IL1RAPL1: variants seen among roughly 807,000 people sequenced by gnomAD.
IL1RAPL1 encodes the protein interleukin 1 receptor accessory protein like 1, also known as interleukin-1 receptor accessory protein-like 1.
Under a neutral mutation model 48.4 loss-of-function variants are expected in IL1RAPL1, and 3 were observed. That is an observed-to-expected ratio of 0.06 (90% CI 0.03 to 0.16). IL1RAPL1 has a LOEUF of 0.16. IL1RAPL1 is among the 10% of genes least tolerant of loss of function. IL1RAPL1 has a pLI of 1.00. For missense variants in IL1RAPL1, 349 were observed against 530.6 expected (o/e 0.66, Z 3.36); for synonymous variants, 185 against 187.7 (o/e 0.99, Z 0.12).
intron 2 of IL1RAPL1, among the ~76,000 whole-genome samples, chrX:29,104,744 T>C (rs1030198619): frequency 9.5e-6 from 1 of 105,523 alleles, no homozygotes; most frequent in South Asian, 4.1e-4. Flanking sequence ...CATAAAAATA[T>C]ACACCTACTA....
chrX:29,178,008 G>C (rs1479507411), intron 2 of IL1RAPL1, among the ~76,000 whole-genome samples: 5 of 111,861 alleles, frequency 4.5e-5, no homozygotes, highest in African/African-American at 1.6e-4. Context: ...GGACATTTGA[G>C]TTGGTTCCAA....
In IL1RAPL1 at chrX:28,703,749, A is replaced by G. The variant is rs760756363; in HGVS notation, c.-24-85571A>G. 2.7e-5 allele frequency among the ~76,000 whole-genome samples: 3 copies of G among 111,709 alleles called. No individual in the cohort carries two copies. In the East Asian group the frequency reaches 8.5e-4, roughly 32 times the overall value. On this transcript the variant is annotated intron_variant, in intron 1 of 10. Coordinates refer to ENST00000378993, the MANE Select transcript of IL1RAPL1 (RefSeq NM_014271.4). ...AACATCAAAATCGCCTTACATGTCT[A>G]CTCTAAAGCAAAGCACTTTGCTGAT...
At chrX:28,872,148 C>T (rs1356325238) in intron 2 of IL1RAPL1, among the ~76,000 whole-genome samples, 1 of 107,463 alleles carries the variant, frequency 9.3e-6, no homozygotes, top group Non-Finnish European at 1.9e-5. Flanking sequence ...GCTGGGACTA[C>T]AGGGGGGAAA....
intron 5 of IL1RAPL1, among the ~76,000 whole-genome samples, chrX:29,642,372 A>G (rs1925194389): frequency 8.9e-6 from 1 of 112,304 alleles, no homozygotes; most frequent in South Asian, 3.7e-4. Flanking sequence ...CTTTGAGAGG[A>G]AGAGGGACCA....
chrX:28,945,645 T>G (rs982987603), intron 2 of IL1RAPL1, among the ~76,000 whole-genome samples: 1 of 110,365 alleles, frequency 9.1e-6, no homozygotes, highest in Non-Finnish European at 1.9e-5. Context: ...AAATTGCTAA[T>G]GTATCCAGGG....
chrX:29,463,148 A>G (rs946368314), intron 5 of IL1RAPL1, among the ~76,000 whole-genome samples: 1 of 110,164 alleles, frequency 9.1e-6, no homozygotes, highest in Non-Finnish European at 1.9e-5. Flanking sequence ...ACAAATGCAT[A>G]GAGAGATTCA....
rs191697348 is a variant in IL1RAPL1, at chrX:28,654,033, G to A, written c.-25+65986G>A. ...AATCACCCTGGGGTTAAAGGAAAGC[G>A]TTGAGGGTCACAGAGGTTGACTTGC... is the stretch of plus-strand genomic sequence containing the variant. On this transcript the variant is annotated intron_variant, in intron 1 of 10. Transcript: ENST00000378993. 1.2e-4 allele frequency among the ~76,000 whole-genome samples: 13 copies of A among 111,275 alleles called. No individual in the cohort carries two copies. In the East Asian group the frequency reaches 2.0e-3, roughly 17 times the overall value.
intron 5 of IL1RAPL1, among the ~76,000 whole-genome samples, chrX:29,606,639 A>G (rs1348071389): frequency 1.8e-5 from 2 of 112,292 alleles, no homozygotes; most frequent in Admixed American, 1.9e-4. Context: ...AATTGCACAT[A>G]CAGTCTCTAC....
intron 6 of IL1RAPL1, among the ~76,000 whole-genome samples, chrX:29,885,171 A>G (rs1177647840): frequency 4.5e-5 from 5 of 111,803 alleles, no homozygotes; most frequent in Non-Finnish European, 9.4e-5. Context: ...CCTGCAATGA[A>G]TGCCTGCAAT....
At chrX:29,538,096 A>T (rs1343069952) in intron 5 of IL1RAPL1, among the ~76,000 whole-genome samples, 1 of 109,860 alleles carries the variant, frequency 9.1e-6, no homozygotes, top group Non-Finnish European at 1.9e-5. Flanking sequence ...GATAGCTGGG[A>T]AAATAGTTAC....
chrX:29,103,711 C>A (rs1928391409), intron 2 of IL1RAPL1, among the ~76,000 whole-genome samples: 1 of 111,488 alleles, frequency 9.0e-6, no homozygotes, highest in Non-Finnish European at 1.9e-5. Flanking sequence ...AAAATATTAG[C>A]CAACTATCCA....
intron 2 of IL1RAPL1, among the ~76,000 whole-genome samples, chrX:28,896,917 G>A (rs770172504): frequency 5.2e-4 from 58 of 111,119 alleles, no homozygotes; most frequent in Non-Finnish European, 8.5e-4. Flanking sequence ...CTTGTAGGAT[G>A]GAAAAATCAA....
At chrX:29,041,228 G>A (rs1474035714) in intron 2 of IL1RAPL1, among the ~76,000 whole-genome samples, 1 of 111,799 alleles carries the variant, frequency 8.9e-6, no homozygotes. Flanking sequence ...AACATTGGAA[G>A]CCTATCTCAA....
chrX:29,679,288 T>TCTTAAAAGAAAAAAATGTAATG (rs1926378937), intron 6 of IL1RAPL1, among the ~76,000 whole-genome samples: 1 of 111,967 alleles, frequency 8.9e-6, no homozygotes, highest in Non-Finnish European at 1.9e-5. Context: ...TATTTTCTCT[T>TCTTAAAAGAAAAAAATGTAATG]CTTAAAAGAA....
rs1244742243 is a variant in IL1RAPL1, at chrX:29,639,209, T to A, written c.704-29221T>A. Among the ~76,000 whole-genome samples, 6 of 111,836 alleles carry A rather than the reference T, an allele frequency of 5.4e-5. No homozygotes were observed. In the East Asian group the frequency reaches 8.4e-4, roughly 16 times the overall value. On this transcript the variant is annotated intron_variant, in intron 5 of 10. Coordinates refer to ENST00000378993, the MANE Select transcript of IL1RAPL1 (RefSeq NM_014271.4). ...TCAAAAAAAAAAAAAAAACAGGTTT[T>A]AAAAAAATTTTTAGATTTGTTTTTT...
intron 6 of IL1RAPL1, among the ~76,000 whole-genome samples, chrX:29,774,448 T>G (rs754230948): frequency 8.9e-6 from 1 of 112,055 alleles, no homozygotes; most frequent in African/African-American, 3.2e-5. Flanking sequence ...TTGGATAACT[T>G]GCTTGCATAA....
intron 2 of IL1RAPL1, among the ~76,000 whole-genome samples, chrX:29,088,636 T>C (rs759847083): frequency 6.2e-5 from 6 of 96,029 alleles, no homozygotes; most frequent in Admixed American, 6.1e-4. Flanking sequence ...ACATGCGCCA[T>C]TGTACTCCAG....
At chrX:28,752,627 C>G (rs1936057120) in intron 1 of IL1RAPL1, among the ~76,000 whole-genome samples, 1 of 112,473 alleles carries the variant, frequency 8.9e-6, no homozygotes, top group Non-Finnish European at 1.9e-5. Flanking sequence ...CTGCTTCTCA[C>G]CCCCAGGGGA....
chrX:28,863,568 GTTAT>G (rs1335982654), intron 2 of IL1RAPL1, among the ~76,000 whole-genome samples: 1 of 111,147 alleles, frequency 9.0e-6, no homozygotes, highest in African/African-American at 3.3e-5. Flanking sequence ...CTGTAAATGT[GTTAT>G]TTATTATAAT....
Sources: gnomAD v4.1 joint callset for allele counts (sites outside exome capture counted in the v4.1 genomes callset) on GRCh38, gnomAD v4.1.1 for gene constraint, MANE v1.5 for transcripts, NCBI Gene and HGNC (gene_info 2026-07-23, HGNC 2026-07-21) for gene names.